HINT1: variants seen among roughly 807,000 people sequenced by gnomAD.
HINT1 encodes the protein adenosine 5'-monophosphoramidase HINT1.
In HINT1, 12 loss-of-function variants were observed where a neutral mutation model predicts 11.2. The ratio of observed to expected loss-of-function variants is 1.07; its 90% CI spans 0.69 to 1.74. The LOEUF is 1.74. Among genes scored for constraint, HINT1 ranks in the 40% most tolerant of loss-of-function variants. The pLI is 0.00. For synonymous variants in HINT1, 42 were observed against 52.6 expected (o/e 0.80, Z 0.87); for missense variants, 150 against 161.8 (o/e 0.93, Z 0.40).
Position 131,165,096 on chromosome 5 carries a change from C to T in HINT1, c.110G>A (p.Arg37Gln), listed in dbSNP as rs149782619. The change falls in exon 1 of 3, where the codon CGG (arginine) becomes CAG (glutamine). Residue 37 changes from arginine to glutamine, a missense_variant and splice_region_variant. Transcript: ENST00000304043. ...IPAKIIFEDD[R>Q]CLAFHDISPQ... Reference sequence around the variant, plus strand: ...AGAGAGGTGGTGCCCAGTACCTACCCGGTCATCCTCAAAAATGATTTTGGC... The same window carrying T: ...AGAGAGGTGGTGCCCAGTACCTACCTGGTCATCCTCAAAAATGATTTTGGC... 3.1e-6 allele frequency: 5 copies of T among 1,613,568 alleles called. No homozygotes were observed. The African/African-American group carries it at 4.0e-5, about 13-fold the overall frequency.
Position 131,164,974 on chromosome 5 carries a change from C to A in HINT1, c.111+121G>T, listed in dbSNP as rs140627344. ...TGGCTGGGGGCCCGCTGGACCAGGG[C>A]AGCCAGGTCCCCTCCCGTCGCCGCT... On this transcript the variant is annotated intron_variant, in intron 1 of 2. Coordinates refer to ENST00000304043, the MANE Select transcript of HINT1 (RefSeq NM_005340.7). 1.0e-3 allele frequency: 1,448 copies of A among 1,413,752 alleles called. 16 individuals carry two copies. The African/African-American group carries it at 0.019, about 19-fold the overall frequency. 87.6% of individuals were successfully genotyped at this position (1,413,752 alleles called of 1,614,324 possible).
chr5:131,165,056 C>A (rs1212657181), intron 1 of HINT1, 39 bp downstream of exon 1: 7 of 1,612,718 alleles, frequency 4.3e-6, no homozygotes, highest in East Asian at 2.2e-5. Flanking sequence ...CGGACGATAC[C>A]CACCTCAGCA....
chr5:131,164,574 G>A (rs1235830544), intron 1 of HINT1, among the ~76,000 whole-genome samples: 1 of 152,102 alleles, frequency 6.6e-6, no homozygotes, highest in Non-Finnish European at 1.5e-5. Flanking sequence ...GACGGCCCGC[G>A]CACCTCCCAG....
intron 2 of HINT1, chr5:131,160,595 A>G (rs1287316678): frequency 4.5e-6 from 2 of 445,106 alleles, no homozygotes; most frequent in Non-Finnish European, 6.2e-6. Flanking sequence ...GGGAAGGGAG[A>G]GAGTCTTACA....
At chr5:131,160,863 T>C (rs1261132826) in intron 2 of HINT1, 2 of 458,136 alleles carry the variant, frequency 4.4e-6, no homozygotes, top group South Asian at 1.5e-5. Flanking sequence ...GAATAGGCTC[T>C]GTATTAGATG....
At chr5:131,161,111 G>A (rs1173367444) in intron 2 of HINT1, among the ~76,000 whole-genome samples, 9 of 152,090 alleles carry the variant, frequency 5.9e-5, no homozygotes, top group African/African-American at 1.7e-4. Flanking sequence ...GAATTAGCAC[G>A]GTTTTAAAGC....
chr5:131,160,966 C>A, intron 2 of HINT1: 1 of 354,862 alleles, frequency 2.8e-6, no homozygotes, highest in Non-Finnish European at 5.8e-6. Flanking sequence ...AGGTGTCTTA[C>A]ACGCATTTTC....
At chr5:131,161,413 G>A (rs1462617533) in intron 2 of HINT1, among the ~76,000 whole-genome samples, 1 of 151,892 alleles carries the variant, frequency 6.6e-6, no homozygotes, top group African/African-American at 2.4e-5. Flanking sequence ...AGACTAACCT[G>A]ACCAACATGG....
chr5:131,162,072 T>C (rs1422501075), intron 2 of HINT1: 1 of 278,912 alleles, frequency 3.6e-6, no homozygotes, highest in Non-Finnish European at 6.8e-6. Flanking sequence ...ACGCGTGTAA[T>C]CCCAGCACTT....
chr5:131,160,517 G>A (rs1204783527), intron 2 of HINT1: 2 of 179,362 alleles, frequency 1.1e-5, no homozygotes, highest in East Asian at 1.8e-4. Flanking sequence ...AAGTTGGGAG[G>A]GTTAACTTCA....
In HINT1 at chr5:131,159,616, A is replaced by G; in HGVS notation, c.217-5T>C. Reference sequence around the variant, plus strand: ...AATCATTAAGTGTCCAAGAAGCTGGAAAAGGAAAAAAAGTTTCTTAGGCAC... The same window carrying G: ...AATCATTAAGTGTCCAAGAAGCTGGGAAAGGAAAAAAAGTTTCTTAGGCAC... On this transcript the variant is annotated splice_polypyrimidine_tract_variant and splice_region_variant and intron_variant, in intron 2 of 2. Coordinates refer to ENST00000304043, the MANE Select transcript of HINT1 (RefSeq NM_005340.7). 6.2e-7 allele frequency: 1 copy of G among 1,603,344 alleles called. No homozygotes were observed. Among genetic ancestry groups the G allele is most frequent in the Non-Finnish European group, 8.5e-7 (1 of 1,174,148 alleles).
rs1192130007 is a variant in HINT1 at position 131,165,156 on chromosome 5, G to T, written c.50C>A (p.Thr17Lys). The T allele has an allele frequency of 6.2e-7, 1 of 1,612,038 alleles. No homozygotes were observed. Among genetic ancestry groups the T allele is most frequent in the Non-Finnish European group, 8.5e-7 (1 of 1,179,920 alleles). Residue 17 changes from threonine to lysine, a missense_variant, in exon 1 of 3, where the codon ACG becomes AAG. By Grantham distance (78) the Thr-to-Lys change is moderately conservative (BLOSUM62 -1). Coordinates refer to ENST00000304043, the MANE Select transcript of HINT1 (RefSeq NM_005340.7). Reference sequence around the variant, plus strand: ...CTTGCGGATGATCTTCCCAAAGATCGTGTCGCCACCAGGCCGAGCGACCTG... The same window carrying T: ...CTTGCGGATGATCTTCCCAAAGATCTTGTCGCCACCAGGCCGAGCGACCTG... ...KAQVARPGGD[T>K]IFGKIIRKEI...
Position 131,165,001 on chromosome 5 carries a change from C to T in HINT1, c.111+94G>A. Reference sequence around the variant, plus strand: ...GCCAGGTCCCCTCCCGTCGCCGCTACACTCGCGACCCCTCCTCTCCCTCCG... The same window carrying T: ...GCCAGGTCCCCTCCCGTCGCCGCTATACTCGCGACCCCTCCTCTCCCTCCG... On this transcript the variant is annotated intron_variant, in intron 1 of 2. Transcript: ENST00000304043. 3.2e-6 allele frequency: 5 copies of T among 1,559,250 alleles called. No homozygotes were observed. In the South Asian group the frequency reaches 3.4e-5, roughly 11 times the overall value.
chr5:131,164,563 A>C lies in HINT1; in HGVS notation c.111+532T>G, dbSNP rs544336478. ...CCCCGCGGAGGAAGCCGGCAGGCCC[A>C]GACGGCCCGCGCACCTCCCAGCGCC... is the stretch of plus-strand genomic sequence containing the variant. On this transcript the variant is annotated intron_variant, in intron 1 of 2. Transcript: ENST00000304043. Among the ~76,000 whole-genome samples the C allele has an allele frequency of 2.1e-3, 320 of 152,154 alleles. 1 individual carries two copies. Among genetic ancestry groups the C allele is most frequent in the Non-Finnish European group, 3.5e-3 (237 of 67,972 alleles).
At chr5:131,164,965 G>A in intron 1 of HINT1, 130 bp downstream of exon 1, 2 of 1,357,630 alleles carry the variant, frequency 1.5e-6, no homozygotes, top group Admixed American at 2.1e-5. Flanking sequence ...GGGGCCCGCT[G>A]GACCAGGGCA....
At chr5:131,163,590 T>G (rs1755311098) in intron 1 of HINT1, among the ~76,000 whole-genome samples, 1 of 152,126 alleles carries the variant, frequency 6.6e-6, no homozygotes, top group Non-Finnish European at 1.5e-5. Flanking sequence ...TCCTGGTTTT[T>G]TTTTTTTCTT....
intron 2 of HINT1, among the ~76,000 whole-genome samples, chr5:131,159,854 A>G (rs1755204923): frequency 6.6e-6 from 1 of 152,094 alleles, no homozygotes; most frequent in South Asian, 2.1e-4. Context: ...CTGTTCAATT[A>G]AACTTTTTTT....
intron 1 of HINT1, among the ~76,000 whole-genome samples, chr5:131,163,687 T>C (rs904185598): frequency 6.6e-6 from 1 of 152,166 alleles, no homozygotes; most frequent in Non-Finnish European, 1.5e-5. Context: ...TTAAGAAATA[T>C]ACCTATCCTT....
chr5:131,159,457 G>A lies in HINT1; in HGVS notation c.371C>T (p.Pro124Leu). ...ATCCCCAAAACGTGCTTAACCAGGA[G>A]GCCAATGCATTTGCCGACCTCCAAG... ...HVLGGRQMHW[P>L]PG The change falls in exon 3 of 3, where the codon CCT becomes CTT. Residue 124 changes from proline to leucine, a missense_variant. Coordinates refer to ENST00000304043, the MANE Select transcript of HINT1 (RefSeq NM_005340.7). 1 of 1,611,576 alleles carries A rather than the reference G, an allele frequency of 6.2e-7. No individual in the cohort carries two copies. Among genetic ancestry groups the A allele is most frequent in the South Asian group, 1.1e-5 (1 of 90,946 alleles).
Sources: allele counts gnomAD v4.1 joint callset (sites outside exome capture counted in the v4.1 genomes callset), GRCh38; gene constraint gnomAD v4.1.1; transcripts MANE v1.5; gene names NCBI Gene and HGNC (gene_info 2026-07-23, HGNC 2026-07-21).